The following ZNF385D variants were observed in gnomAD, a reference collection of about 807,000 sequenced individuals.
The protein encoded by ZNF385D is zinc finger protein 385D.
ZNF385D carries 15 observed loss-of-function variants against 35.8 expected under a neutral mutation model. That is an observed-to-expected ratio of 0.42 (90% confidence interval 0.28 to 0.64). The LOEUF (loss-of-function observed/expected upper bound fraction) is 0.64. ZNF385D is among the 30% of genes least tolerant of loss of function. The pLI, the probability that ZNF385D is intolerant of heterozygous loss-of-function variation, is 0.23. For synonymous variants in ZNF385D, 212 were observed against 186.8 expected (o/e 1.13, Z -1.10); for missense variants, 474 against 494.6 (o/e 0.96, Z 0.39).
At chr3:21,651,157 G>A (rs1205443451) in intron 2 of ZNF385D, among the ~76,000 whole-genome samples, 126 of 151,356 alleles carry the variant, frequency 8.3e-4, no homozygotes, top group African/African-American at 2.5e-3. Context: ...GTGTGGTGGC[G>A]GGCGCCTGTA....
At chr3:22,298,817 A>AT (rs1353335515) in intron 2 of ZNF385D, among the ~76,000 whole-genome samples, 1 of 151,766 alleles carries the variant, frequency 6.6e-6, no homozygotes, top group East Asian at 1.9e-4. Context: ...GTTTATCTTT[A>AT]TTTAATGCAA....
At chr3:22,371,995 A>T (rs1696929286) in intron 2 of ZNF385D, among the ~76,000 whole-genome samples, 1 of 152,156 alleles carries the variant, frequency 6.6e-6, no homozygotes, top group African/African-American at 2.4e-5. Flanking sequence ...CTTTATCCCA[A>T]CAACTTCGCC....
At chr3:21,957,549 T>C (rs1173662514) in intron 3 of ZNF385D, among the ~76,000 whole-genome samples, 3 of 152,196 alleles carry the variant, frequency 2.0e-5, no homozygotes, top group Non-Finnish European at 4.4e-5. Flanking sequence ...TCTTGTTTTG[T>C]TTTAGCAAAA....
intron 3 of ZNF385D, among the ~76,000 whole-genome samples, chr3:22,024,402 G>C (rs181207436): frequency 1.3e-5 from 2 of 152,134 alleles, no homozygotes; most frequent in Admixed American, 6.5e-5. Context: ...TTGGTCCCAG[G>C]AGTGGTTCTA....
chr3:22,334,201 AG>A (rs1315015841), intron 2 of ZNF385D, among the ~76,000 whole-genome samples: 10 of 152,240 alleles, frequency 6.6e-5, no homozygotes, highest in African/African-American at 1.9e-4. Flanking sequence ...TAATTACTTG[AG>A]TTCTATTTGT....
chr3:22,270,600 C>T (rs1447908878), intron 2 of ZNF385D, among the ~76,000 whole-genome samples: 1 of 151,826 alleles, frequency 6.6e-6, no homozygotes, highest in East Asian at 1.9e-4. Flanking sequence ...AAAATTTAAA[C>T]ATTCTGTTGC....
intron 3 of ZNF385D, among the ~76,000 whole-genome samples, chr3:21,947,592 C>T (rs1045169545): frequency 1.3e-5 from 2 of 152,114 alleles, no homozygotes; most frequent in Non-Finnish European, 2.9e-5. Context: ...CCTCACGAAC[C>T]GCCCACATTG....
At chr3:21,935,685 A>G (rs1249795151) in intron 3 of ZNF385D, among the ~76,000 whole-genome samples, 1 of 152,140 alleles carries the variant, frequency 6.6e-6, no homozygotes, top group African/African-American at 2.4e-5. Flanking sequence ...AATGAAGACT[A>G]TATAGGCAGA....
At chr3:21,978,879 A>G (rs557287872) in intron 3 of ZNF385D, among the ~76,000 whole-genome samples, 1 of 151,738 alleles carries the variant, frequency 6.6e-6, no homozygotes, top group South Asian at 2.1e-4. Flanking sequence ...TATTCAACTT[A>G]AAAAAAATTT....
chr3:21,691,620 G>C (rs902294), intron 1 of ZNF385D, among the ~76,000 whole-genome samples: 146,369 of 152,270 alleles, frequency 0.96, 70,395 homozygotes, highest in African/African-American at 0.98. Context: ...AAGATTGTGT[G>C]TAGCTATTTC....
intron 2 of ZNF385D, among the ~76,000 whole-genome samples, chr3:22,359,797 A>G (rs1696331361): frequency 1.3e-5 from 2 of 151,984 alleles, no homozygotes; most frequent in Non-Finnish European, 2.9e-5. Context: ...TAAGGAAACT[A>G]GTTATGAAAC....
chr3:22,080,286 C>T (rs1700681536), intron 3 of ZNF385D, among the ~76,000 whole-genome samples: 1 of 152,104 alleles, frequency 6.6e-6, no homozygotes, highest in South Asian at 2.1e-4. Flanking sequence ...GATCTTGTGT[C>T]AGTCACCCAG....
At chr3:21,447,112 G>A (rs569996361) in intron 4 of ZNF385D, among the ~76,000 whole-genome samples, 2 of 152,278 alleles carry the variant, frequency 1.3e-5, no homozygotes, top group African/African-American at 2.4e-5. Context: ...GTTAGGCCTT[G>A]TTCTAGTTAA....
At chr3:21,558,501 T>C (rs1477901789) in intron 3 of ZNF385D, among the ~76,000 whole-genome samples, 3 of 152,338 alleles carry the variant, frequency 2.0e-5, no homozygotes, top group Admixed American at 2.0e-4. Flanking sequence ...CCAATTTAAT[T>C]GCACTGTGTT....
At chr3:21,423,869 G>T in intron 7 of ZNF385D, 94 bp downstream of exon 7, 1 of 1,140,334 alleles carries the variant, frequency 8.8e-7, no homozygotes, top group Non-Finnish European at 1.3e-6. Flanking sequence ...AAGGTACTGG[G>T]CTGTGGTTAA....
intron 3 of ZNF385D, among the ~76,000 whole-genome samples, chr3:22,127,808 T>G (rs1703525589): frequency 1.3e-5 from 2 of 152,196 alleles, no homozygotes; most frequent in Admixed American, 1.3e-4. Flanking sequence ...CCTCTCCCAC[T>G]CTTTAACTTT....
At chr3:21,648,989 A>C (rs539949735) in intron 2 of ZNF385D, among the ~76,000 whole-genome samples, 4 of 152,242 alleles carry the variant, frequency 2.6e-5, no homozygotes, top group African/African-American at 9.6e-5. Context: ...TTATATATCT[A>C]GTAAGTGGTA....
chr3:21,580,449 A>G (rs976609744), intron 2 of ZNF385D, among the ~76,000 whole-genome samples: 5 of 152,236 alleles, frequency 3.3e-5, no homozygotes, highest in Non-Finnish European at 7.3e-5. Flanking sequence ...ACAATGGCAC[A>G]TTGGTAAGAA....
At position 21,647,521 on chromosome 3, in the gene ZNF385D, T is replaced by C. The variant is rs536169444; in HGVS notation, c.165+17365A>G. On this transcript the variant is annotated intron_variant, in intron 2 of 7. Coordinates refer to ENST00000281523, the MANE Select transcript of ZNF385D (RefSeq NM_024697.3). ...AATTAACACGACTAACCCATGCTTATTTTTCAGAGCACTTATATCTGAAGA... is the reference window on the plus strand; with the variant it reads ...AATTAACACGACTAACCCATGCTTACTTTTCAGAGCACTTATATCTGAAGA... Among the ~76,000 whole-genome samples the C allele has an allele frequency of 3.3e-5, 5 of 152,240 alleles. No homozygotes were observed. The East Asian group carries it at 7.7e-4, about 24-fold the overall frequency.
Sources: allele counts gnomAD v4.1 joint callset (sites outside exome capture counted in the v4.1 genomes callset), GRCh38; gene constraint gnomAD v4.1.1; transcripts MANE v1.5; gene names NCBI Gene and HGNC (gene_info 2026-07-23, HGNC 2026-07-21).